SLC8A1: variants seen among roughly 807,000 people sequenced by gnomAD.
The protein encoded by SLC8A1 is solute carrier family 8 member A1.
In SLC8A1, 18 loss-of-function variants were observed where a neutral mutation model predicts 68.3. The observed-to-expected ratio is 0.26, with a 90% CI of 0.18 to 0.39. The LOEUF is 0.39. SLC8A1 is among the 10% of genes least tolerant of loss of function. SLC8A1 has a pLI of 1.00. For synonymous variants in SLC8A1, 475 were observed against 415.5 expected (o/e 1.14, Z -1.74); for missense variants, 985 against 1,156.7 (o/e 0.85, Z 2.15).
At chr2:40,481,679 C>T (rs1704637909) in intron 1 of SLC8A1, among the ~76,000 whole-genome samples, 1 of 152,068 alleles carries the variant, frequency 6.6e-6, no homozygotes, top group Non-Finnish European at 1.5e-5. Context: ...TTTTTTATTC[C>T]TGAAAATACA....
intron 2 of SLC8A1, among the ~76,000 whole-genome samples, chr2:40,184,898 C>CAAAAAAAAAAAAAAAAAAA (rs66662572): frequency 5.6e-5 from 6 of 106,520 alleles, no homozygotes; most frequent in Admixed American, 9.6e-5. Flanking sequence ...TAACCAAAAA[C>CAAAAAAAAAAAAAAAAAAA]AAAAAAAAAA....
At chr2:40,194,505 G>A (rs2052559475) in intron 2 of SLC8A1, among the ~76,000 whole-genome samples, 1 of 146,666 alleles carries the variant, frequency 6.8e-6, no homozygotes, top group African/African-American at 2.6e-5. Flanking sequence ...GTGTGTGTGT[G>A]TGCGCGCGCA....
intron 6 of SLC8A1, among the ~76,000 whole-genome samples, chr2:40,147,712 G>T (rs1375863525): frequency 6.6e-6 from 1 of 152,134 alleles, no homozygotes; most frequent in African/African-American, 2.4e-5. Context: ...TTATGTCCTA[G>T]AGAATGTTAA....
intron 2 of SLC8A1, among the ~76,000 whole-genome samples, chr2:40,335,759 A>C (rs1316024400): frequency 6.6e-6 from 1 of 152,252 alleles, no homozygotes; most frequent in African/African-American, 2.4e-5. Flanking sequence ...TTTTATTAAC[A>C]GGAAATGAAT....
intron 1 of SLC8A1, among the ~76,000 whole-genome samples, chr2:40,477,549 T>C (rs1704365872): frequency 1.3e-5 from 2 of 152,234 alleles, no homozygotes; most frequent in African/African-American, 2.4e-5. Flanking sequence ...CTTGATGTTT[T>C]GCGGAAGGAA....
intron 3 of SLC8A1, among the ~76,000 whole-genome samples, 160 bp from the exon 4 acceptor site, chr2:40,175,441 A>G (rs998370165): frequency 6.6e-6 from 1 of 152,120 alleles, no homozygotes; most frequent in African/African-American, 2.4e-5. Context: ...AGTGATGGGA[A>G]TATTTCTGAA....
intron 1 of SLC8A1, among the ~76,000 whole-genome samples, chr2:40,462,195 TG>T (rs1703391788): frequency 6.6e-6 from 1 of 151,478 alleles, no homozygotes; most frequent in Admixed American, 6.6e-5. Context: ...TTAGTAGAGA[TG>T]GGGTTTCACC....
intron 2 of SLC8A1, among the ~76,000 whole-genome samples, chr2:40,192,686 T>C (rs1303851552): frequency 2.6e-5 from 4 of 152,172 alleles, no homozygotes; most frequent in Admixed American, 2.0e-4. Flanking sequence ...TTATGGATTT[T>C]CCCCTACATA....
At chr2:40,385,070 A>C (rs937685327) in intron 2 of SLC8A1, among the ~76,000 whole-genome samples, 1 of 152,198 alleles carries the variant, frequency 6.6e-6, no homozygotes, top group South Asian at 2.1e-4. Context: ...GCCACTATTC[A>C]ATTCCTATAG....
chr2:40,293,445 A>C (rs1392561060), intron 2 of SLC8A1, among the ~76,000 whole-genome samples: 1 of 152,202 alleles, frequency 6.6e-6, no homozygotes, highest in Admixed American at 6.5e-5. Flanking sequence ...ATAAACCTTA[A>C]TCTAAACTTG....
At chr2:40,246,217 A>C (rs1162237591) in intron 2 of SLC8A1, among the ~76,000 whole-genome samples, 1 of 152,196 alleles carries the variant, frequency 6.6e-6, no homozygotes, top group African/African-American at 2.4e-5. Context: ...TTGGTTACAC[A>C]TACACTACAA....
At chr2:40,380,655 T>G (rs1245707380) in intron 2 of SLC8A1, among the ~76,000 whole-genome samples, 3 of 152,120 alleles carry the variant, frequency 2.0e-5, no homozygotes, top group Non-Finnish European at 2.9e-5. Flanking sequence ...CGGCAAGTGA[T>G]GAGTGCCTTA....
chr2:40,500,795 CTTTTTTTT>C (rs1191619172), intron 1 of SLC8A1, among the ~76,000 whole-genome samples: 250 of 37,258 alleles, frequency 6.7e-3, no homozygotes, highest in Non-Finnish European at 0.011. Context: ...TATCATCTGA[CTTTTTTTT>C]TTTTTTTTTT....
rs1490312527 is a variant in SLC8A1 at position 40,219,590 on chromosome 2, A to AACTT, written c.1809-41739_1809-41736dup. ...AGCGATACTATCTGGTATATAAGAA[A>AACTT]ACTTACAAACATTTTTTAAGAGGCC... is the stretch of plus-strand genomic sequence containing the variant. On this transcript the variant is annotated intron_variant, in intron 2 of 7. Transcript: ENST00000406785. 2.6e-5 allele frequency among the ~76,000 whole-genome samples: 4 copies of AACTT among 152,328 alleles called. No individual in the cohort carries two copies. In the East Asian group the frequency reaches 7.7e-4, roughly 29 times the overall value.
intron 2 of SLC8A1, among the ~76,000 whole-genome samples, chr2:40,427,705 G>C (rs533108556): frequency 6.6e-6 from 1 of 152,222 alleles, no homozygotes; most frequent in Non-Finnish European, 1.5e-5. Context: ...CCACGAGGAA[G>C]AATAAATTTT....
intron 1 of SLC8A1, among the ~76,000 whole-genome samples, chr2:40,442,117 T>C (rs1462098357): frequency 6.6e-6 from 1 of 150,702 alleles, no homozygotes; most frequent in Non-Finnish European, 1.5e-5. Context: ...AGTTAATGCG[T>C]GCAGCACACC....
intron 1 of SLC8A1, among the ~76,000 whole-genome samples, chr2:40,501,705 G>A (rs1258231690): frequency 6.6e-6 from 1 of 152,028 alleles, no homozygotes; most frequent in Non-Finnish European, 1.5e-5. Flanking sequence ...CATCTATTTT[G>A]GTTTGTGCTT....
chr2:40,491,176 G>T (rs1370523577), intron 1 of SLC8A1, among the ~76,000 whole-genome samples: 3 of 152,114 alleles, frequency 2.0e-5, no homozygotes, highest in Non-Finnish European at 4.4e-5. Context: ...TAGGTTTGTA[G>T]TTCTCCTTGA....
chr2:40,334,349 C>G (rs1665245567), intron 2 of SLC8A1, among the ~76,000 whole-genome samples: 1 of 152,068 alleles, frequency 6.6e-6, no homozygotes, highest in Admixed American at 6.5e-5. Flanking sequence ...GATTTAATAC[C>G]AAAGGCATAA....
Sources: allele counts gnomAD v4.1 joint callset (sites outside exome capture counted in the v4.1 genomes callset), GRCh38; gene constraint gnomAD v4.1.1; transcripts MANE v1.5; gene names NCBI Gene and HGNC (gene_info 2026-07-23, HGNC 2026-07-21).